The following PWWP3A variants were observed in gnomAD, a reference collection of about 807,000 sequenced individuals.
The protein encoded by PWWP3A is PWWP domain-containing DNA repair factor 3A.
A neutral mutation model predicts 79.0 loss-of-function variants in PWWP3A; 53 were observed. The observed-to-expected ratio is 0.67, with a 90% CI of 0.54 to 0.84. PWWP3A has a LOEUF of 0.84. Among genes scored for constraint, PWWP3A ranks in the 40% least tolerant of loss-of-function variants. PWWP3A has a pLI of 0.00. For synonymous variants in PWWP3A, 443 were observed against 394.4 expected, an observed-to-expected ratio of 1.12 and a Z score of -1.46; for missense variants, 973 against 948.0, an observed-to-expected ratio of 1.03 and a Z score of -0.35.
intron 8 of PWWP3A, 53 bp downstream of exon 8, chr19:1,366,434 GCT>G (rs2082130803): frequency 6.6e-7 from 1 of 1,521,336 alleles, no homozygotes; most frequent in African/African-American, 1.4e-5. Flanking sequence ...CAGGCCGGCC[GCT>G]CTCAGAGTCA....
rs929842912 is a variant in PWWP3A at position 1,369,540 on chromosome 19, C to T, written c.1499-56C>T. 4 of 1,593,974 alleles carry T rather than the reference C, an allele frequency of 2.5e-6. No homozygotes were observed. The highest frequency in any genetic ancestry group is 3.4e-6 in the Non-Finnish European group (4 of 1,161,922). ...ACGCCGGGCCAGCCCCTGGAACACA[C>T]TTCCTGGGACTCCTCTTAGGTCTAC... On this transcript the variant is annotated intron_variant, in intron 10 of 13. Coordinates refer to ENST00000591337, the MANE Select transcript of PWWP3A (RefSeq NM_001369789.1). This position sits in a 1 kb window ranked among gnomAD's most constrained non-coding sequence, Gnocchi z 4.0.
chr19:1,359,951 C>T (rs888351269), intron 4 of PWWP3A, 185 bp from the exon 5 acceptor site: 5 of 557,132 alleles, frequency 9.0e-6, no homozygotes, highest in African/African-American at 7.8e-5. Flanking sequence ...GAATGAATAG[C>T]TGTCGTTCTG....
At position 1,368,705 on chromosome 19, in the gene PWWP3A, T is replaced by C. The variant is rs1158626370; in HGVS notation, c.1423-560T>C. On this transcript the variant is annotated intron_variant, in intron 9 of 13. Transcript: ENST00000591337. The surrounding 1 kb of genome is among the most constrained non-coding windows in gnomAD (Gnocchi z 4.7). ...TGTTAGAGCAGCCCAGGTGCTGGCC[T>C]AGCCTGGCTGCAGACGATAGCTCCC... Among the ~76,000 whole-genome samples, 1 of 152,234 alleles carries C rather than the reference T, an allele frequency of 6.6e-6. No individual in the cohort carries two copies. The highest frequency in any genetic ancestry group is 1.5e-5 in the Non-Finnish European group (1 of 68,044).
At position 1,373,397 on chromosome 19, in the gene PWWP3A, C is replaced by T. The variant is rs142597772; in HGVS notation, c.2075+237C>T. The T allele has an allele frequency of 3.4e-3, 1,946 of 564,706 alleles. 9 individuals are homozygous for T. Among genetic ancestry groups the T allele is most frequent in the Non-Finnish European group, 3.7e-3 (1,160 of 315,990 alleles). The allele number at this position is 564,706 out of a possible 1,614,324, so 35.0% of individuals were successfully genotyped here. ...GGTCGCTGTGGGCAGCACGGGGCCA[C>T]GGGCACGTGCCTGGGCCGTGTCTGT... On this transcript the variant is annotated intron_variant, in intron 13 of 13. Transcript: ENST00000591337.
At chr19:1,359,007 G>A (rs1049084447) in intron 4 of PWWP3A, 6 of 302,996 alleles carry the variant, frequency 2.0e-5, no homozygotes, top group African/African-American at 4.3e-5. Context: ...TGGAGCTCTC[G>A]GCTTCCCATC....
chr19:1,372,747 ACT>A (rs2082288945), intron 12 of PWWP3A: 1 of 243,898 alleles, frequency 4.1e-6, no homozygotes, highest in African/African-American at 2.3e-5. Context: ...ACAGGGCGAG[ACT>A]CTGTACCAGA....
At chr19:1,362,068 G>T (rs1273038712) in intron 5 of PWWP3A, 182 bp from the exon 6 acceptor site, 2 of 422,228 alleles carry the variant, frequency 4.7e-6, no homozygotes, top group African/African-American at 2.0e-5. Flanking sequence ...TCCCTCTTGC[G>T]TTTTTCTTTA....
chr19:1,367,107 A>C, intron 8 of PWWP3A, 53 bp from the exon 9 acceptor site: 1 of 1,447,762 alleles, frequency 6.9e-7, no homozygotes, highest in South Asian at 1.2e-5. Flanking sequence ...AAAGGTTTTT[A>C]GCTTATTAGA....
intron 1 of PWWP3A, among the ~76,000 whole-genome samples, chr19:1,356,093 G>A (rs2081856796): frequency 6.6e-6 from 1 of 152,142 alleles, no homozygotes; most frequent in South Asian, 2.1e-4. Context: ...CCTTTGGGAG[G>A]GACTGTGCTG....
intron 3 of PWWP3A, 68 bp downstream of exon 3, chr19:1,357,162 C>A: frequency 8.2e-7 from 1 of 1,221,208 alleles, no homozygotes; most frequent in Non-Finnish European, 1.2e-6. Flanking sequence ...ATCCCCTACT[C>A]CCCCAAAACA....
chr19:1,367,248 T>G (rs1400768701), intron 9 of PWWP3A, 28 bp downstream of exon 9: 1 of 1,588,074 alleles, frequency 6.3e-7, no homozygotes, highest in South Asian at 1.1e-5. Context: ...TGTGCTTGCT[T>G]TAAATGGTTT....
chr19:1,358,630 C>T (rs2144697181), intron 4 of PWWP3A, 166 bp downstream of exon 4: 1 of 1,542,886 alleles, frequency 6.5e-7, no homozygotes, highest in Non-Finnish European at 8.7e-7. Context: ...AAAAATGGAT[C>T]CGCTTTCTTA....
chr19:1,360,161 A>G lies in PWWP3A; in HGVS notation c.240A>G (p.Ala80=). 6.4e-7 allele frequency: 1 copy of G among 1,571,324 alleles called. No individual in the cohort carries two copies. The highest frequency in any genetic ancestry group is 2.2e-5 in the East Asian group (1 of 44,532). The change falls in exon 5 of 14, where the codon GCA becomes GCG. Residue 80 remains alanine, a synonymous_variant. Coordinates refer to ENST00000591337, the MANE Select transcript of PWWP3A (RefSeq NM_001369789.1). The surrounding 1 kb of genome is among the most constrained non-coding windows in gnomAD (Gnocchi z 4.4). The part of the protein sequence containing the change: ...SLASQNEVPA[A]PLEELAYRRS... ...CCTCACAGAATGAGGTTCCTGCGGC[A>G]CCCCTGGAAGAACTGGCCTACAGAC...
rs2144704071 is a variant in PWWP3A at position 1,360,093 on chromosome 19, T to G, written c.215-43T>G. ...AGCGATGCCGTGACCGCAGTGCCTG[T>G]GCAGTGAACGTAACCGGCATTGTGT... On this transcript the variant is annotated intron_variant, in intron 4 of 13. Coordinates refer to ENST00000591337, the MANE Select transcript of PWWP3A (RefSeq NM_001369789.1). The surrounding 1 kb of genome is among the most constrained non-coding windows in gnomAD (Gnocchi z 4.4). 1 of 1,509,540 alleles carries G rather than the reference T, an allele frequency of 6.6e-7. No homozygotes were observed. The highest frequency in any genetic ancestry group is 2.3e-5 in the East Asian group (1 of 43,872). 93.5% of individuals were successfully genotyped at this position (1,509,540 alleles called of 1,614,324 possible).
intron 12 of PWWP3A, 186 bp downstream of exon 12, chr19:1,371,264 C>T: frequency 1.3e-6 from 1 of 762,240 alleles, no homozygotes; most frequent in Admixed American, 2.0e-5. Flanking sequence ...TGCGCTTGAC[C>T]CTGTGCGGAG....
In PWWP3A at chr19:1,377,174, A is replaced by G. The variant is rs4807907; in HGVS notation, c.*598A>G. On this transcript the variant is annotated 3_prime_UTR_variant, in exon 14 of 14. Coordinates refer to ENST00000591337, the MANE Select transcript of PWWP3A (RefSeq NM_001369789.1). ...TTGCTGTGGCCGCAGGGAGAGGAGCAGGACACGCACCTTTCCAGGGGCCTC... is the reference window on the plus strand; with the variant it reads ...TTGCTGTGGCCGCAGGGAGAGGAGCGGGACACGCACCTTTCCAGGGGCCTC... 97,465 of 152,316 alleles carry G rather than the reference A, an allele frequency of 0.64. 32,191 individuals are homozygous for G. The highest frequency in any genetic ancestry group is 0.73 in the Non-Finnish European group (50,158 of 68,320). The allele number at this position is 152,316 out of a possible 1,614,324, so 9.4% of individuals were successfully genotyped here. A position where few individuals can be genotyped will look rare whatever the true frequency, so the allele number is the denominator to read the frequency against.
At position 1,369,382 on chromosome 19, in the gene PWWP3A, G is replaced by T. The variant is rs778518501; in HGVS notation, c.1498+42G>T. 6.3e-7 allele frequency: 1 copy of T among 1,597,098 alleles called. No individual in the cohort carries two copies. The highest frequency in any genetic ancestry group is 8.6e-7 in the Non-Finnish European group (1 of 1,168,696). Reference sequence around the variant, plus strand: ...GGAGGGGTGGAGCTGGGCAGCAGGCGTCCAGCCTCTGAAGACCCCTTGGAC... The same window carrying T: ...GGAGGGGTGGAGCTGGGCAGCAGGCTTCCAGCCTCTGAAGACCCCTTGGAC... On this transcript the variant is annotated intron_variant, in intron 10 of 13. Coordinates refer to ENST00000591337, the MANE Select transcript of PWWP3A (RefSeq NM_001369789.1). This position sits in a 1 kb window ranked among gnomAD's most constrained non-coding sequence, Gnocchi z 4.0.
At position 1,373,134 on chromosome 19, in the gene PWWP3A, C is replaced by T. The variant is rs780079411; in HGVS notation, c.2049C>T (p.Tyr683=). 1 of 1,614,222 alleles carries T rather than the reference C, an allele frequency of 6.2e-7. No individual in the cohort carries two copies. Among genetic ancestry groups the T allele is most frequent in the South Asian group, 1.1e-5 (1 of 91,078 alleles). The change falls in exon 13 of 14, where the codon TAC becomes TAT. Residue 683 remains tyrosine, a synonymous_variant. Coordinates refer to ENST00000591337, the MANE Select transcript of PWWP3A (RefSeq NM_001369789.1). The part of the protein sequence containing the change: ...EVDYKTAEEK[Y]IKGPSLSYRE... The stretch of plus-strand genomic sequence containing the variant: ...ACTACAAGACGGCTGAGGAGAAGTA[C>T]ATCAAGGGGCCTTCGCTGAGCTACC...
At chr19:1,375,752 TAA>T in intron 13 of PWWP3A, among the ~76,000 whole-genome samples, 1 of 142,326 alleles carries the variant, frequency 7.0e-6, no homozygotes, top group South Asian at 2.1e-4. Flanking sequence ...ATAAAATATA[TAA>T]TTTTATATAT....
Sources: gnomAD v4.1 joint callset for allele counts (sites outside exome capture counted in the v4.1 genomes callset) on GRCh38, gnomAD v4.1.1 for gene constraint, Gnocchi (gnomAD v3.1) non-coding constraint, MANE v1.5 for transcripts, NCBI Gene and HGNC (gene_info 2026-07-23, HGNC 2026-07-21) for gene names.